The following GRIN2B variants were observed in gnomAD, a reference collection of about 807,000 sequenced individuals.
GRIN2B encodes glutamate receptor ionotropic, NMDA 2B.
Under a neutral mutation model 114.5 loss-of-function variants are expected in GRIN2B, and 5 were observed. That is an observed-to-expected ratio of 0.04 (90% CI 0.02 to 0.09). The LOEUF (loss-of-function observed/expected upper bound fraction) is 0.09. Among genes scored for constraint, GRIN2B ranks in the 10% least tolerant of loss-of-function variants. The pLI is 1.00. For synonymous variants in GRIN2B, 787 were observed against 745.1 expected (o/e 1.06, Z -0.92); for missense variants, 1,108 against 1,943.5 (o/e 0.57, Z 8.08).
At chr12:13,916,509 T>C (rs1866723471) in intron 2 of GRIN2B, among the ~76,000 whole-genome samples, 1 of 151,864 alleles carries the variant, frequency 6.6e-6, no homozygotes, top group South Asian at 2.1e-4. Context: ...TTGGTCCAAG[T>C]AAGAAAAAGT....
chr12:13,639,345 A>T (rs1472903859), intron 5 of GRIN2B, among the ~76,000 whole-genome samples: 2 of 152,156 alleles, frequency 1.3e-5, no homozygotes, highest in African/African-American at 4.8e-5. Context: ...TAGAGGCAGT[A>T]AAAGCAGTCA....
At chr12:13,582,602 G>A (rs1418680595) in intron 10 of GRIN2B, among the ~76,000 whole-genome samples, 1 of 152,206 alleles carries the variant, frequency 6.6e-6, no homozygotes, top group Non-Finnish European at 1.5e-5. Flanking sequence ...AGGCTGGTAA[G>A]TGGCCTTTCT....
At chr12:13,685,656 G>A (rs1163441506) in intron 4 of GRIN2B, among the ~76,000 whole-genome samples, 1 of 152,074 alleles carries the variant, frequency 6.6e-6, no homozygotes, top group African/African-American at 2.4e-5. Context: ...GGAAGCTGTT[G>A]ACTCATTCAA....
chr12:13,722,443 G>C (rs936097270), intron 4 of GRIN2B, among the ~76,000 whole-genome samples: 3 of 152,050 alleles, frequency 2.0e-5, no homozygotes, highest in African/African-American at 7.2e-5. Context: ...TGTAAGAATT[G>C]GTCTCTAGTA....
chr12:13,776,768 A>G (rs768706837), intron 3 of GRIN2B, among the ~76,000 whole-genome samples: 3 of 152,230 alleles, frequency 2.0e-5, no homozygotes, highest in Non-Finnish European at 4.4e-5. Flanking sequence ...AACAAAACAA[A>G]GAAAAAAGGA....
At chr12:13,675,688 GC>G (rs1950066799) in intron 5 of GRIN2B, 56 bp downstream of exon 5, 1 of 1,076,248 alleles carries the variant, frequency 9.3e-7, no homozygotes, top group Admixed American at 1.7e-5. Flanking sequence ...TCATTGTGTT[GC>G]AAAATTTCAC....
In GRIN2B at chr12:13,561,761, T is replaced by C. The variant is rs1319619608; in HGVS notation, c.*1022A>G. On this transcript the variant is annotated 3_prime_UTR_variant, in exon 14 of 14. Transcript: ENST00000609686. ...TCTTGGTTCAAACTGGTTGAAACAA[T>C]TGCCAACCACTGAGGACTTGTTTAT... is the stretch of plus-strand genomic sequence containing the variant. The C allele has an allele frequency of 6.6e-6, 1 of 152,654 alleles. No homozygotes were observed. The highest frequency in any genetic ancestry group is 1.5e-5 in the Non-Finnish European group (1 of 68,040). The allele number at this position is 152,654 out of a possible 1,614,324, so 9.5% of individuals were successfully genotyped here. A position where few individuals can be genotyped will look rare whatever the true frequency, so the allele number is the denominator to read the frequency against.
chr12:13,576,173 G>A (rs1948773130), intron 10 of GRIN2B, among the ~76,000 whole-genome samples: 1 of 152,146 alleles, frequency 6.6e-6, no homozygotes, highest in Non-Finnish European at 1.5e-5. Context: ...TTTTTATACT[G>A]TCATTGGAAC....
chr12:13,812,193 T>C (rs1376691419), intron 3 of GRIN2B, among the ~76,000 whole-genome samples: 1 of 151,972 alleles, frequency 6.6e-6, no homozygotes, highest in Non-Finnish European at 1.5e-5. Flanking sequence ...CCCCAAATTA[T>C]ATAAAAGACA....
chr12:13,964,147 T>C (rs1439153971), intron 2 of GRIN2B, among the ~76,000 whole-genome samples: 4 of 152,160 alleles, frequency 2.6e-5, no homozygotes, highest in African/African-American at 9.7e-5. Context: ...TCTATTCCAA[T>C]ATTATCTGAA....
At chr12:13,782,495 C>T (rs1270035074) in intron 3 of GRIN2B, among the ~76,000 whole-genome samples, 8 of 152,090 alleles carry the variant, frequency 5.3e-5, no homozygotes, top group Non-Finnish European at 4.4e-5. Context: ...GACAAATTTC[C>T]CAGATTGTAA....
chr12:13,666,175 G>A (rs907701357), intron 5 of GRIN2B, among the ~76,000 whole-genome samples: 1 of 152,168 alleles, frequency 6.6e-6, no homozygotes, highest in Non-Finnish European at 1.5e-5. Flanking sequence ...TCCCTCCCCA[G>A]TGACTGCCTT....
At chr12:13,767,534 A>G (rs77591462) in intron 3 of GRIN2B, among the ~76,000 whole-genome samples, 5,482 of 152,324 alleles carry the variant, frequency 0.036, 331 homozygotes, top group African/African-American at 0.13. Flanking sequence ...TATTAACACT[A>G]TAAACAGCAA....
chr12:13,620,494 A>T (rs10845815), intron 5 of GRIN2B, among the ~76,000 whole-genome samples: 112,731 of 152,098 alleles, frequency 0.74, 43,424 homozygotes, highest in East Asian at 0.99. Flanking sequence ...GTTAAACGTC[A>T]ACCAGCTCAC....
At chr12:13,827,270 T>A in intron 3 of GRIN2B, among the ~76,000 whole-genome samples, 1 of 149,886 alleles carries the variant, frequency 6.7e-6, no homozygotes, top group East Asian at 1.9e-4. Context: ...CTGAACTTCT[T>A]AAATCTGTTG....
chr12:13,571,672 TA>T, intron 11 of GRIN2B, 131 bp downstream of exon 11: 9 of 953,160 alleles, frequency 9.4e-6, no homozygotes, highest in Non-Finnish European at 1.5e-5. Context: ...TGGAAATCCA[TA>T]AAGAGCAAAT....
In GRIN2B at chr12:13,865,945, G is replaced by C. The variant is rs897565929; in HGVS notation, c.264C>G (p.Leu88=). 4 of 1,614,082 alleles carry C rather than the reference G, an allele frequency of 2.5e-6. No homozygotes were observed. The South Asian group carries it at 4.4e-5, about 18-fold the overall frequency. The change falls in exon 3 of 14, where the codon CTC becomes CTG. Residue 88 remains leucine (L), a synonymous_variant. Coordinates refer to ENST00000609686, the MANE Select transcript of GRIN2B (RefSeq NM_000834.5). ...CCCCCTGGATCTTCCGGTCAGACAT[G>C]AGATCACAGATGCGGGTGATGATGC... is the stretch of plus-strand genomic sequence containing the variant. ...PKSIITRICD[L]MSDRKIQGVV... is the part of the protein sequence containing the mutation.
chr12:13,601,575 G>A (rs1949162215), intron 10 of GRIN2B, among the ~76,000 whole-genome samples: 1 of 151,184 alleles, frequency 6.6e-6, no homozygotes, highest in Admixed American at 6.6e-5. Context: ...GTTAGGATGT[G>A]GCTATATCTT....
chr12:13,940,517 A>G (rs1396469745), intron 2 of GRIN2B, among the ~76,000 whole-genome samples: 1 of 152,088 alleles, frequency 6.6e-6, no homozygotes, highest in Non-Finnish European at 1.5e-5. Context: ...AAGTGGGAGA[A>G]AAGATTGATT....
Sources: gnomAD v4.1 joint callset for allele counts (sites outside exome capture counted in the v4.1 genomes callset) on GRCh38, gnomAD v4.1.1 for gene constraint, MANE v1.5 for transcripts, NCBI Gene and HGNC (gene_info 2026-07-23, HGNC 2026-07-21) for gene names.